CDON: variants seen among roughly 807,000 people sequenced by gnomAD.
The protein encoded by CDON is cell adhesion associated, oncogene regulated.
Under a neutral mutation model 120.9 loss-of-function variants are expected in CDON, and 73 were observed. The ratio of observed to expected loss-of-function variants is 0.60; its 90% CI spans 0.50 to 0.73. The LOEUF (loss-of-function observed/expected upper bound fraction) is 0.73. Among genes scored for constraint, CDON ranks in the 30% least tolerant of loss-of-function variants. The probability of loss-of-function intolerance (pLI) is 0.00; values close to 1 mark genes in which losing one functional copy is unlikely to be tolerated. For synonymous variants in CDON, 566 were observed against 573.5 expected, an observed-to-expected ratio of 0.99 and a Z score of 0.19; for missense variants, 1,470 against 1,587.3, an observed-to-expected ratio of 0.93 and a Z score of 1.26.
At chr11:125,996,720 A>G (rs1387129216) in intron 12 of CDON, among the ~76,000 whole-genome samples, 1 of 151,132 alleles carries the variant, frequency 6.6e-6, no homozygotes, top group African/African-American at 2.4e-5. Flanking sequence ...AAAAAAAAAA[A>G]AAAGGCTAAG....
intron 7 of CDON, 121 bp downstream of exon 7, chr11:126,015,120 C>T (rs1947422843): frequency 1.1e-6 from 1 of 947,388 alleles, no homozygotes; most frequent in South Asian, 1.4e-5. Context: ...GGAAAATGAA[C>T]ACCGTTCTTG....
intron 1 of CDON, among the ~76,000 whole-genome samples, chr11:126,035,823 T>C (rs1437341458): frequency 1.3e-5 from 2 of 152,190 alleles, no homozygotes; most frequent in Non-Finnish European, 2.9e-5. Flanking sequence ...ACAATATCTT[T>C]GTAAACATAA....
chr11:126,054,944 G>A (rs529206478), intron 1 of CDON, among the ~76,000 whole-genome samples: 3 of 152,288 alleles, frequency 2.0e-5, no homozygotes, highest in African/African-American at 7.2e-5. Context: ...TATATTCATG[G>A]AAGGCAAAGC....
chr11:126,003,656 C>G (rs1591374818), intron 10 of CDON, among the ~76,000 whole-genome samples: 2 of 151,796 alleles, frequency 1.3e-5, no homozygotes. Context: ...CCGTCTCTAC[C>G]AAAAATACAA....
At position 126,052,090 on chromosome 11, in the gene CDON, T is replaced by TAAAACAAAAC. The variant is rs112365084; in HGVS notation, c.-62+10479_-62+10488dup. Among the ~76,000 whole-genome samples, 425 of 150,624 alleles carry TAAAACAAAAC rather than the reference T, an allele frequency of 2.8e-3. 1 individual carries two copies. The highest frequency in any genetic ancestry group is 6.8e-3 in the Middle Eastern group (2 of 294). ...AATTGGCTTTAGTTAGCCATGGGAT[T>TAAAACAAAAC]AAAACAAAACAAAACAAAACAAAAC... On this transcript the variant is annotated intron_variant, in intron 1 of 19. Transcript: ENST00000531738.
At chr11:126,042,707 C>T (rs596782) in intron 1 of CDON, among the ~76,000 whole-genome samples, 26,569 of 152,168 alleles carry the variant, frequency 0.17, 2,692 homozygotes, top group African/African-American at 0.25. Context: ...CTACAACCTC[C>T]GCCTCCCCAG....
intron 6 of CDON, among the ~76,000 whole-genome samples, chr11:126,016,076 T>C (rs1459122369): frequency 6.6e-6 from 1 of 152,236 alleles, no homozygotes; most frequent in East Asian, 1.9e-4. Context: ...AATCCAGTCC[T>C]AATCACTGAA....
intron 3 of CDON, among the ~76,000 whole-genome samples, chr11:126,020,153 C>T (rs757670966): frequency 5.3e-5 from 8 of 152,170 alleles, no homozygotes; most frequent in African/African-American, 9.7e-5. Flanking sequence ...TAAGTCAATG[C>T]TTCTAGGGAA....
Position 126,018,364 on chromosome 11 carries a change from T to C in CDON, c.606A>G (p.Lys202=). The C allele has an allele frequency of 9.9e-6, 16 of 1,614,130 alleles. No homozygotes were observed. The highest frequency in any genetic ancestry group is 1.4e-5 in the Non-Finnish European group (16 of 1,179,968). The change falls in exon 5 of 20, where the codon AAA becomes AAG. Residue 202 remains lysine (K), a synonymous_variant. Coordinates refer to ENST00000531738, the MANE Select transcript of CDON (RefSeq NM_001378964.1). The part of the protein sequence containing the change: ...AAYNPVTHQL[K]VEPIGRKLLV... ...GGAGCTTTCGGCCAATAGGTTCAAC[T>C]TTTAATTGATGTGTGACAGGATTAT...
At chr11:125,982,385 G>C (rs78693649) in intron 16 of CDON, among the ~76,000 whole-genome samples, 4,474 of 152,268 alleles carry the variant, frequency 0.029, 234 homozygotes, top group African/African-American at 0.1. Context: ...AAACTAGAGT[G>C]TCCAAACTGT....
chr11:126,041,496 T>C (rs1261884926), intron 1 of CDON, among the ~76,000 whole-genome samples: 1 of 152,238 alleles, frequency 6.6e-6, no homozygotes, highest in Non-Finnish European at 1.5e-5. Flanking sequence ...AGGTTTTTAC[T>C]GAACATAGTT....
At chr11:126,003,783 G>A in intron 10 of CDON, 119 bp downstream of exon 10, 2 of 923,432 alleles carry the variant, frequency 2.2e-6, no homozygotes, top group Non-Finnish European at 3.4e-6. Flanking sequence ...TTGTGCTACT[G>A]CACTCCAGCC....
At chr11:125,977,693 G>C (rs937828172) in intron 18 of CDON, among the ~76,000 whole-genome samples, 1 of 152,096 alleles carries the variant, frequency 6.6e-6, no homozygotes, top group Non-Finnish European at 1.5e-5. Context: ...AAAGTGTGCC[G>C]AGTATCCTAT....
chr11:126,024,146 T>C (rs1377666243), intron 1 of CDON, among the ~76,000 whole-genome samples: 2 of 152,088 alleles, frequency 1.3e-5, no homozygotes, highest in African/African-American at 4.8e-5. Context: ...AAGAAAAGGA[T>C]AGTAATGGAT....
chr11:126,023,067 C>T (rs993288731), intron 2 of CDON, among the ~76,000 whole-genome samples: 6 of 152,036 alleles, frequency 3.9e-5, no homozygotes, highest in Admixed American at 1.3e-4. Flanking sequence ...ATATTTAGTC[C>T]GCATTTTATT....
In CDON at chr11:125,995,335, G is replaced by A. The variant is rs144213965; in HGVS notation, c.2363-283C>T. 2.4e-4 allele frequency among the ~76,000 whole-genome samples: 37 copies of A among 152,310 alleles called. No individual in the cohort carries two copies. The East Asian group carries it at 6.4e-3, about 26-fold the overall frequency. On this transcript the variant is annotated intron_variant, in intron 12 of 19. Coordinates refer to ENST00000531738, the MANE Select transcript of CDON (RefSeq NM_001378964.1). ...AAAAGATTAATGACATCTCAGGGAA[G>A]AAGCAGGTAGAGAATAGGAAAGAGG...
rs1455419123 is a variant in CDON at position 126,018,321 on chromosome 11, A to G, written c.640+9T>C. On this transcript the variant is annotated intron_variant, in intron 5 of 19. Coordinates refer to ENST00000531738, the MANE Select transcript of CDON (RefSeq NM_001378964.1). ...TCTTCCAGTTACCATTATTCTCCCA[A>G]ATACTTACGACTCACAAGGAGCTTT... 1.2e-6 allele frequency: 2 copies of G among 1,613,060 alleles called. No homozygotes were observed. Among genetic ancestry groups the G allele is most frequent in the Non-Finnish European group, 1.7e-6 (2 of 1,179,624 alleles).
At chr11:126,053,961 A>G (rs1948628721) in intron 1 of CDON, among the ~76,000 whole-genome samples, 1 of 152,156 alleles carries the variant, frequency 6.6e-6, no homozygotes. Context: ...AAAATGTCTT[A>G]TCCCCAGCTT....
At chr11:126,056,405 A>C (rs1283962690) in intron 1 of CDON, among the ~76,000 whole-genome samples, 1 of 152,218 alleles carries the variant, frequency 6.6e-6, no homozygotes, top group Non-Finnish European at 1.5e-5. Context: ...AGAGGAACCC[A>C]TCCTGCATAT....
Sources: gnomAD v4.1 joint callset for allele counts (sites outside exome capture counted in the v4.1 genomes callset) on GRCh38, gnomAD v4.1.1 for gene constraint, MANE v1.5 for transcripts, NCBI Gene and HGNC (gene_info 2026-07-23, HGNC 2026-07-21) for gene names.